ST8SIA6: variants seen among roughly 807,000 people sequenced by gnomAD.
ST8SIA6 encodes the protein alpha-2,8-sialyltransferase 8F.
A neutral mutation model predicts 33.6 loss-of-function variants in ST8SIA6; 39 were observed. The ratio of observed to expected loss-of-function variants is 1.16; its 90% CI spans 0.90 to 1.52. ST8SIA6 has a LOEUF of 1.52. Ranked by LOEUF, ST8SIA6 falls within the 40% of genes most tolerant of loss-of-function variation. The pLI, the probability that ST8SIA6 is intolerant of heterozygous loss-of-function variation, is 0.00. For synonymous variants in ST8SIA6, 172 were observed against 167.2 expected, an observed-to-expected ratio of 1.03 and a Z score of -0.22; for missense variants, 441 against 443.8, an observed-to-expected ratio of 0.99 and a Z score of 0.06.
At chr10:17,345,887 T>C (rs1848816458) in intron 4 of ST8SIA6, among the ~76,000 whole-genome samples, 1 of 152,142 alleles carries the variant, frequency 6.6e-6, no homozygotes, top group Non-Finnish European at 1.5e-5. Context: ...CCATCAACTC[T>C]TTCTCTCCCT....
intron 1 of ST8SIA6, among the ~76,000 whole-genome samples, chr10:17,453,951 C>T (rs1241133199): frequency 6.6e-6 from 1 of 152,102 alleles, no homozygotes; most frequent in African/African-American, 2.4e-5. Context: ...TCCCTCTGCT[C>T]CCCAGCCGCC....
intron 2 of ST8SIA6, among the ~76,000 whole-genome samples, chr10:17,431,125 A>C (rs1311947005): frequency 6.6e-6 from 1 of 152,206 alleles, no homozygotes; most frequent in Non-Finnish European, 1.5e-5. Context: ...ATTAGGAAGA[A>C]GCCCTTTGCT....
rs1848153976 is a variant in ST8SIA6 at position 17,327,016 on chromosome 10, A to G, written c.633T>C (p.Phe211=). 7 of 1,594,230 alleles carry G rather than the reference A, an allele frequency of 4.4e-6. No individual in the cohort carries two copies. The highest frequency in any genetic ancestry group is 6.0e-6 in the Non-Finnish European group (7 of 1,172,738). Residue 211 remains phenylalanine, a splice_region_variant and synonymous_variant, in exon 6 of 8, where the codon TTT becomes TTC. Coordinates refer to ENST00000377602, the MANE Select transcript of ST8SIA6 (RefSeq NM_001004470.3). ...GTEIDKSDFV[F]RCNLPPTTGD... is the part of the protein sequence containing the mutation. Reference sequence around the variant, plus strand: ...GAAACCAATTTGTCAGGTCTTACCTAAAAACGAAGTCGGATTTATCTATTT... The same window carrying G: ...GAAACCAATTTGTCAGGTCTTACCTGAAAACGAAGTCGGATTTATCTATTT...
chr10:17,333,694 TATATATATATATATA>T (rs1848384853), intron 4 of ST8SIA6, among the ~76,000 whole-genome samples: 4 of 25,784 alleles, frequency 1.6e-4, no homozygotes, highest in African/African-American at 3.6e-4. Flanking sequence ...TATATATATA[TATATATATATATATA>T]TATATATATT....
intron 3 of ST8SIA6, among the ~76,000 whole-genome samples, chr10:17,383,021 CTGTT>C (rs1309207928): frequency 1.3e-5 from 2 of 152,098 alleles, no homozygotes; most frequent in African/African-American, 2.4e-5. Flanking sequence ...ATTTTATAGA[CTGTT>C]TACAAAATTT....
intron 4 of ST8SIA6, among the ~76,000 whole-genome samples, chr10:17,344,991 GA>G (rs35542866): frequency 0.19 from 28,511 of 151,988 alleles, 3,285 homozygotes; most frequent in East Asian, 0.41. Flanking sequence ...GAATGTAACA[GA>G]AAAAAAGACA....
rs1047348576 is a variant in ST8SIA6, at chr10:17,315,679, A to G, written c.*5199T>C. 7.2e-5 allele frequency among the ~76,000 whole-genome samples: 11 copies of G among 152,054 alleles called. No homozygotes were observed. Among genetic ancestry groups the G allele is most frequent in the Non-Finnish European group, 1.5e-4 (10 of 67,920 alleles). On this transcript the variant is annotated 3_prime_UTR_variant, in exon 8 of 8. Transcript: ENST00000377602. ...AAATTCTAAAAAATGTAAACAGTCT[A>G]TAGTGTAAAAATGTAAATGTCTATA...
rs906221488 is a variant in ST8SIA6 at position 17,377,800 on chromosome 10, A to C, written c.290+12731T>G. Among the ~76,000 whole-genome samples the C allele has an allele frequency of 2.0e-5, 3 of 152,198 alleles. No homozygotes were observed. The South Asian group carries it at 6.2e-4, about 31-fold the overall frequency. On this transcript the variant is annotated intron_variant, in intron 3 of 7. Transcript: ENST00000377602. ...CTAAGTCTTTAACAGACCATGACAA[A>C]AATAGGGCCAGATAATTATTTCTAA...
intron 3 of ST8SIA6, among the ~76,000 whole-genome samples, chr10:17,363,386 C>G (rs1399112853): frequency 6.6e-6 from 1 of 152,122 alleles, no homozygotes; most frequent in Non-Finnish European, 1.5e-5. Context: ...TGAGCTCCCT[C>G]AATAATGATC....
chr10:17,447,655 TAA>T, intron 2 of ST8SIA6, among the ~76,000 whole-genome samples: 1 of 152,148 alleles, frequency 6.6e-6, no homozygotes. Flanking sequence ...AAAGATAATC[TAA>T]ATAGTACTAG....
chr10:17,441,494 G>A (rs186307121), intron 2 of ST8SIA6, among the ~76,000 whole-genome samples: 86 of 151,996 alleles, frequency 5.7e-4, no homozygotes, highest in African/African-American at 1.9e-3. Flanking sequence ...TTTGTATTTA[G>A]TAGAGACAGG....
At chr10:17,371,600 C>A (rs1849733289) in intron 3 of ST8SIA6, among the ~76,000 whole-genome samples, 1 of 151,848 alleles carries the variant, frequency 6.6e-6, no homozygotes, top group Admixed American at 6.6e-5. Context: ...GCCTAGCCAA[C>A]ATGGTGAAAC....
At chr10:17,335,923 C>T (rs879877407) in intron 4 of ST8SIA6, among the ~76,000 whole-genome samples, 5 of 151,802 alleles carry the variant, frequency 3.3e-5, no homozygotes, top group Non-Finnish European at 7.4e-5. Flanking sequence ...CAGATTTCTC[C>T]TTATGCTTTT....
intron 2 of ST8SIA6, among the ~76,000 whole-genome samples, chr10:17,397,236 T>TG (rs1164232222): frequency 1.4e-5 from 2 of 145,056 alleles, no homozygotes; most frequent in African/African-American, 2.6e-5. Context: ...GTTTTTTGTT[T>TG]TTTTTTTTTT....
At chr10:17,444,004 C>T (rs1469284279) in intron 2 of ST8SIA6, among the ~76,000 whole-genome samples, 1 of 152,222 alleles carries the variant, frequency 6.6e-6, no homozygotes, top group Non-Finnish European at 1.5e-5. Flanking sequence ...TTCTTCCTTT[C>T]ATATCCCTTC....
chr10:17,378,328 A>T (rs1209734661), intron 3 of ST8SIA6, among the ~76,000 whole-genome samples: 1 of 152,170 alleles, frequency 6.6e-6, no homozygotes, highest in Non-Finnish European at 1.5e-5. Context: ...ACACACAGCT[A>T]TTTGTCACTC....
chr10:17,373,047 T>C lies in ST8SIA6; in HGVS notation c.291-13447A>G, dbSNP rs575344840. Among the ~76,000 whole-genome samples the C allele has an allele frequency of 1.2e-4, 18 of 152,240 alleles. No homozygotes were observed. The East Asian group carries it at 3.3e-3, about 28-fold the overall frequency. Reference sequence around the variant, plus strand: ...CAGGGCATCCAGCATGGCAACTCCATAAATTCCCACGGCTGCAAGAAAAAA... The same window carrying C: ...CAGGGCATCCAGCATGGCAACTCCACAAATTCCCACGGCTGCAAGAAAAAA... On this transcript the variant is annotated intron_variant, in intron 3 of 7. Coordinates refer to ENST00000377602, the MANE Select transcript of ST8SIA6 (RefSeq NM_001004470.3).
At chr10:17,418,916 C>T (rs1356722493) in intron 2 of ST8SIA6, among the ~76,000 whole-genome samples, 4 of 139,920 alleles carry the variant, frequency 2.9e-5, no homozygotes, top group Non-Finnish European at 4.5e-5. Flanking sequence ...TCGCTTGAAC[C>T]TGGGAGGCAG....
chr10:17,320,908 T>A lies in ST8SIA6; in HGVS notation c.1167A>T (p.Lys389Asn), dbSNP rs1847920015. The A allele has an allele frequency of 6.2e-7, 1 of 1,613,932 alleles. No individual in the cohort carries two copies. The highest frequency in any genetic ancestry group is 8.5e-7 in the Non-Finnish European group (1 of 1,179,932). ...ILQLHMKGIL[K>N]LQFSKCEVA The stretch of plus-strand genomic sequence containing the variant: ...CGACTTCACATTTGCTAAATTGCAG[T>A]TTGAGGATTCCTTTCATGTGAAGTT... Residue 389 changes from lysine to asparagine, a missense_variant, in exon 8 of 8, where the codon AAA becomes AAT. By Grantham distance (94) the Lys-to-Asn change is moderately conservative. Coordinates refer to ENST00000377602, the MANE Select transcript of ST8SIA6 (RefSeq NM_001004470.3).
Sources: allele counts gnomAD v4.1 joint callset (sites outside exome capture counted in the v4.1 genomes callset), GRCh38; gene constraint gnomAD v4.1.1; transcripts MANE v1.5; gene names NCBI Gene and HGNC (gene_info 2026-07-23, HGNC 2026-07-21).